The following CCSER1 variants were observed in gnomAD, a reference collection of about 807,000 sequenced individuals.
CCSER1 encodes the protein serine-rich coiled-coil domain-containing protein 1.
Under a neutral mutation model 82.0 loss-of-function variants are expected in CCSER1, and 41 were observed. The observed-to-expected ratio is 0.50, with a 90% CI of 0.39 to 0.65. The LOEUF is 0.65. Among genes scored for constraint, CCSER1 ranks in the 30% least tolerant of loss-of-function variants. CCSER1 has a pLI of 0.00. For synonymous variants in CCSER1, 414 were observed against 383.9 expected (o/e 1.08, Z -0.92); for missense variants, 1,119 against 1,064.2 (o/e 1.05, Z -0.72).
In CCSER1 at chr4:90,991,245, T is replaced by G. The variant is rs558268497; in HGVS notation, c.2172+67798T>G. On this transcript the variant is annotated intron_variant, in intron 9 of 10. Coordinates refer to ENST00000509176, the MANE Select transcript of CCSER1 (RefSeq NM_001145065.2). The stretch of plus-strand genomic sequence containing the variant: ...ACTTAAGCCACTCATATCCTAAGAT[T>G]ATTTTCTTATCAATTTGTATTAATT... Among the ~76,000 whole-genome samples the G allele has an allele frequency of 5.9e-5, 9 of 152,138 alleles. No homozygotes were observed. In the South Asian group the frequency reaches 1.7e-3, roughly 28 times the overall value.
chr4:90,159,447 A>G (rs1835523), intron 1 of CCSER1, among the ~76,000 whole-genome samples: 42,998 of 152,090 alleles, frequency 0.28, 7,698 homozygotes, highest in East Asian at 0.65. Flanking sequence ...GGGAAGAGGA[A>G]TAGAAGCAGT....
chr4:90,618,453 A>G (rs1234185426), intron 5 of CCSER1, among the ~76,000 whole-genome samples: 1 of 152,006 alleles, frequency 6.6e-6, no homozygotes, highest in African/African-American at 2.4e-5. Context: ...TTCATAAATC[A>G]TATCTAAATT....
chr4:91,291,213 T>G (rs1743719168), intron 10 of CCSER1, among the ~76,000 whole-genome samples: 1 of 151,940 alleles, frequency 6.6e-6, no homozygotes, highest in African/African-American at 2.4e-5. Flanking sequence ...ATAACATAAA[T>G]TAAAGTCAAG....
chr4:90,566,443 A>AG (rs1779391104), intron 5 of CCSER1, among the ~76,000 whole-genome samples: 4 of 151,226 alleles, frequency 2.6e-5, no homozygotes, highest in Non-Finnish European at 5.9e-5. Context: ...AAAAAAAAAA[A>AG]GTAGCTAAGC....
At chr4:91,440,044 T>C (rs1280848483) in intron 10 of CCSER1, among the ~76,000 whole-genome samples, 2 of 151,836 alleles carry the variant, frequency 1.3e-5, no homozygotes, top group Non-Finnish European at 2.9e-5. Context: ...CTGTCAACAT[T>C]AGACAGATCA....
chr4:91,489,796 A>AAAATAAAAATAAATAAAT (rs1758417477), intron 10 of CCSER1, among the ~76,000 whole-genome samples: 1 of 151,454 alleles, frequency 6.6e-6, no homozygotes. Flanking sequence ...TTAAAATAAA[A>AAAATAAAAATAAATAAAT]AAAAGATTGA....
intron 10 of CCSER1, among the ~76,000 whole-genome samples, chr4:91,200,744 A>C (rs553524330): frequency 2.6e-5 from 4 of 152,052 alleles, no homozygotes; most frequent in Non-Finnish European, 5.9e-5. Context: ...AACAGACTCC[A>C]ATGCCAAATA....
At chr4:90,188,976 G>T (rs903974761) in intron 1 of CCSER1, among the ~76,000 whole-genome samples, 1 of 151,838 alleles carries the variant, frequency 6.6e-6, no homozygotes, top group Non-Finnish European at 1.5e-5. Context: ...GGACTTGAGG[G>T]GTGTAGATAT....
intron 10 of CCSER1, among the ~76,000 whole-genome samples, chr4:91,111,612 G>T (rs1216092482): frequency 6.6e-6 from 1 of 151,750 alleles, no homozygotes; most frequent in Non-Finnish European, 1.5e-5. Flanking sequence ...ATAAAATAAA[G>T]ATTGTATATA....
At chr4:90,912,982 A>T (rs764312206) in intron 8 of CCSER1, among the ~76,000 whole-genome samples, 29 of 152,226 alleles carry the variant, frequency 1.9e-4, no homozygotes, top group Non-Finnish European at 2.4e-4. Context: ...GAAATATGGG[A>T]CTATGTGAAA....
At chr4:90,962,850 AT>A (rs1218979847) in intron 9 of CCSER1, among the ~76,000 whole-genome samples, 6 of 152,102 alleles carry the variant, frequency 3.9e-5, no homozygotes, top group African/African-American at 1.4e-4. Flanking sequence ...ATATTCATTT[AT>A]TCACTTTTGG....
intron 9 of CCSER1, among the ~76,000 whole-genome samples, chr4:90,954,878 A>G (rs947656956): frequency 3.9e-5 from 6 of 152,066 alleles, no homozygotes; most frequent in Admixed American, 1.3e-4. Context: ...CCACTTAGCT[A>G]TTGCCACACT....
chr4:90,369,943 A>T (rs1561112654), intron 3 of CCSER1, among the ~76,000 whole-genome samples: 1 of 152,100 alleles, frequency 6.6e-6, no homozygotes, highest in Non-Finnish European at 1.5e-5. Flanking sequence ...AAAGAATATA[A>T]TAGTATTGTC....
intron 10 of CCSER1, among the ~76,000 whole-genome samples, chr4:91,396,450 G>A (rs1260349763): frequency 6.6e-6 from 1 of 152,038 alleles, no homozygotes; most frequent in South Asian, 2.1e-4. Flanking sequence ...CATTTTAAAT[G>A]CAAAGGTACA....
chr4:90,599,053 G>A (rs541877849), intron 5 of CCSER1, among the ~76,000 whole-genome samples: 1 of 152,092 alleles, frequency 6.6e-6, no homozygotes, highest in African/African-American at 2.4e-5. Flanking sequence ...GCACAATGTG[G>A]GCTCCTTCTC....
intron 7 of CCSER1, among the ~76,000 whole-genome samples, chr4:90,811,154 A>C (rs1177241422): frequency 1.3e-5 from 2 of 151,986 alleles, no homozygotes; most frequent in Admixed American, 1.3e-4. Flanking sequence ...AATTCTTGAG[A>C]TGTGTCTTGG....
At chr4:90,899,860 T>C (rs1389440388) in intron 8 of CCSER1, among the ~76,000 whole-genome samples, 1 of 152,070 alleles carries the variant, frequency 6.6e-6, no homozygotes, top group Non-Finnish European at 1.5e-5. Flanking sequence ...AGCATTGTAC[T>C]GAGGATTTTT....
chr4:90,985,447 A>G (rs1736505115), intron 9 of CCSER1, among the ~76,000 whole-genome samples: 1 of 151,770 alleles, frequency 6.6e-6, no homozygotes, highest in South Asian at 2.1e-4. Context: ...TAAAGGGCTA[A>G]TGTTACTTTC....
chr4:91,510,830 G>A (rs2090386), intron 10 of CCSER1, among the ~76,000 whole-genome samples: 15,468 of 152,120 alleles, frequency 0.1, 950 homozygotes, highest in Middle Eastern at 0.2. Flanking sequence ...GGTCCCACAG[G>A]TCAATTTTTG....
Sources: allele counts gnomAD v4.1 joint callset (sites outside exome capture counted in the v4.1 genomes callset), GRCh38; gene constraint gnomAD v4.1.1; transcripts MANE v1.5; gene names NCBI Gene and HGNC (gene_info 2026-07-23, HGNC 2026-07-21).